The following FHIT variants were observed in gnomAD, a reference collection of about 807,000 sequenced individuals.
FHIT encodes fragile histidine triad diadenosine triphosphatase, also known as bis(5'-adenosyl)-triphosphatase.
In FHIT, 19 loss-of-function variants were observed where a neutral mutation model predicts 17.9. The observed-to-expected ratio is 1.06, with a 90% CI of 0.74 to 1.56. FHIT has a LOEUF of 1.56. Among genes scored for constraint, FHIT ranks in the 40% most tolerant of loss-of-function variants. FHIT has a pLI of 0.00. For missense variants in FHIT, 248 were observed against 189.2 expected (o/e 1.31, Z -1.82); for synonymous variants, 81 against 69.7 (o/e 1.16, Z -0.81).
chr3:60,559,030 T>C (rs1454157561), intron 4 of FHIT, among the ~76,000 whole-genome samples: 1 of 152,202 alleles, frequency 6.6e-6, no homozygotes, highest in East Asian at 1.9e-4. Flanking sequence ...CTCTGACTGA[T>C]CACCTTGTTA....
chr3:60,760,365 A>G (rs1052519834), intron 4 of FHIT, among the ~76,000 whole-genome samples: 63 of 152,234 alleles, frequency 4.1e-4, no homozygotes, highest in Non-Finnish European at 6.2e-4. Flanking sequence ...AGCTTTGCTC[A>G]GTAAAACAGG....
chr3:60,706,351 C>G (rs921837952), intron 4 of FHIT, among the ~76,000 whole-genome samples: 5 of 152,114 alleles, frequency 3.3e-5, no homozygotes, highest in Non-Finnish European at 2.9e-5. Flanking sequence ...ACATGTATAC[C>G]TATGTAACAA....
intron 8 of FHIT, among the ~76,000 whole-genome samples, chr3:59,910,184 G>A (rs1389147262): frequency 6.6e-6 from 1 of 152,156 alleles, no homozygotes; most frequent in Non-Finnish European, 1.5e-5. Flanking sequence ...ACATACATAA[G>A]ATGAGCAATG....
intron 2 of FHIT, among the ~76,000 whole-genome samples, chr3:61,063,274 T>G (rs559112583): frequency 2.7e-4 from 24 of 89,198 alleles, no homozygotes; most frequent in African/African-American, 8.7e-4. Flanking sequence ...AAAAGATTAG[T>G]TTTAAGTGAA....
At chr3:59,787,983 G>A (rs2106913275) in intron 8 of FHIT, among the ~76,000 whole-genome samples, 1 of 152,292 alleles carries the variant, frequency 6.6e-6, no homozygotes, top group East Asian at 1.9e-4. Flanking sequence ...GTGACATAGT[G>A]TTCTAGGAAG....
chr3:59,821,026 G>T (rs1162319968), intron 8 of FHIT, among the ~76,000 whole-genome samples: 3 of 152,194 alleles, frequency 2.0e-5, no homozygotes, highest in African/African-American at 7.2e-5. Flanking sequence ...TGAATTCAAA[G>T]TGCAGATAAA....
At chr3:61,001,713 C>G (rs2031097563) in intron 3 of FHIT, among the ~76,000 whole-genome samples, 1 of 152,132 alleles carries the variant, frequency 6.6e-6, no homozygotes, top group African/African-American at 2.4e-5. Flanking sequence ...GATGATGGGA[C>G]AGTGAAGTAT....
intron 1 of FHIT, among the ~76,000 whole-genome samples, chr3:61,201,326 T>C (rs574464532): frequency 6.6e-6 from 1 of 152,298 alleles, no homozygotes; most frequent in African/African-American, 2.4e-5. Flanking sequence ...CACACACAAA[T>C]CAATGTGACA....
intron 4 of FHIT, among the ~76,000 whole-genome samples, chr3:60,575,479 G>A (rs533198849): frequency 2.0e-5 from 3 of 152,120 alleles, no homozygotes; most frequent in Non-Finnish European, 4.4e-5. Flanking sequence ...ATGGAAGGGA[G>A]ACCCAATGGA....
chr3:60,622,314 C>G (rs920813275), intron 4 of FHIT, among the ~76,000 whole-genome samples: 4 of 152,160 alleles, frequency 2.6e-5, no homozygotes, highest in Non-Finnish European at 5.9e-5. Context: ...TTGCCCCTTC[C>G]TTAAAGCAAA....
At chr3:60,284,886 C>T (rs979461332) in intron 5 of FHIT, among the ~76,000 whole-genome samples, 1 of 152,116 alleles carries the variant, frequency 6.6e-6, no homozygotes, top group African/African-American at 2.4e-5. Context: ...TTATTTAATT[C>T]TCTAAAAGAA....
At chr3:60,578,440 A>AACACACACACACACACACAC (rs71748891) in intron 4 of FHIT, among the ~76,000 whole-genome samples, 6 of 144,396 alleles carry the variant, frequency 4.2e-5, no homozygotes, top group South Asian at 2.3e-4. Context: ...CCATCTACAA[A>AACACACACACACACACACAC]ACACACACAC....
intron 5 of FHIT, among the ~76,000 whole-genome samples, chr3:60,123,971 T>A (rs1223178294): frequency 6.3e-3 from 117 of 18,474 alleles, no homozygotes; most frequent in African/African-American, 0.023. Flanking sequence ...ACTAAAAATA[T>A]ATATATATAT....
At chr3:60,968,028 G>C (rs547416980) in intron 3 of FHIT, among the ~76,000 whole-genome samples, 3 of 152,226 alleles carry the variant, frequency 2.0e-5, no homozygotes, top group Non-Finnish European at 4.4e-5. Context: ...GAAATCTGGT[G>C]AACATCGTAT....
At chr3:59,776,961 C>G (rs1559596390) in intron 8 of FHIT, among the ~76,000 whole-genome samples, 2 of 152,104 alleles carry the variant, frequency 1.3e-5, no homozygotes, top group Non-Finnish European at 2.9e-5. Context: ...TCCATGCCCT[C>G]CCACCACACA....
intron 8 of FHIT, among the ~76,000 whole-genome samples, chr3:59,835,916 G>A (rs923946511): frequency 9.9e-5 from 15 of 152,106 alleles, no homozygotes; most frequent in African/African-American, 1.7e-4. Context: ...AGCCCTAGTC[G>A]CTTAAGAGTA....
chr3:60,055,960 C>T (rs1165919879), intron 5 of FHIT, among the ~76,000 whole-genome samples: 1 of 152,176 alleles, frequency 6.6e-6, no homozygotes, highest in Non-Finnish European at 1.5e-5. Context: ...TGTCCAGACA[C>T]GTGAAATACC....
At chr3:60,808,568 T>A (rs1701474232) in intron 4 of FHIT, among the ~76,000 whole-genome samples, 2 of 152,300 alleles carry the variant, frequency 1.3e-5, no homozygotes, top group South Asian at 2.1e-4. Context: ...GATTCTAGAA[T>A]CAGACAAAAC....
chr3:60,405,409 T>C (rs1024587218), intron 5 of FHIT, among the ~76,000 whole-genome samples: 24 of 152,206 alleles, frequency 1.6e-4, no homozygotes, highest in African/African-American at 4.6e-4. Context: ...CTTTCCCGCC[T>C]TCTGGTAGGG....
Sources: allele counts gnomAD v4.1 joint callset (sites outside exome capture counted in the v4.1 genomes callset), GRCh38; gene constraint gnomAD v4.1.1; transcripts MANE v1.5; gene names NCBI Gene and HGNC (gene_info 2026-07-23, HGNC 2026-07-21).